Variants in MAPDA observed in about 807,000 individuals in gnomAD.
MAPDA encodes the protein N6,N6-dimethyl-AMP deaminase.
At chr15:43,337,062 T>G in the MAPDA span, among the ~76,000 whole-genome samples, 1 of 150,238 alleles carries the variant, frequency 6.7e-6, no homozygotes, top group East Asian at 2.0e-4. Flanking sequence ...AGGTCAGGAG[T>G]TGGAGACCAT....
chr15:43,333,117 TC>T, the MAPDA span, among the ~76,000 whole-genome samples: 1 of 152,266 alleles, frequency 6.6e-6, no homozygotes, highest in East Asian at 1.9e-4. Context: ...AAGGTCAGGA[TC>T]CTGGAGTAAA....
chr15:43,346,722 A>G, the MAPDA span, among the ~76,000 whole-genome samples: 3 of 152,212 alleles, frequency 2.0e-5, no homozygotes, highest in African/African-American at 7.2e-5. Flanking sequence ...TTAGCTCTGG[A>G]TATCTAGGTG....
At chr15:43,332,881 C>T in the MAPDA span, among the ~76,000 whole-genome samples, 5 of 152,092 alleles carry the variant, frequency 3.3e-5, no homozygotes, top group Non-Finnish European at 5.9e-5. Context: ...TGTTGCCTTC[C>T]GTCCCAGAGC....
the MAPDA span, chr15:43,335,696 G>T: frequency 6.2e-7 from 1 of 1,604,742 alleles, no homozygotes; most frequent in African/African-American, 1.3e-5. Flanking sequence ...TATCTCTTAG[G>T]AACTTCATGC....
the MAPDA span, among the ~76,000 whole-genome samples, chr15:43,338,181 A>G: frequency 2.6e-5 from 4 of 152,244 alleles, no homozygotes; most frequent in African/African-American, 9.6e-5. Context: ...TGAAGTGAGA[A>G]GATTCTGTGC....
At chr15:43,351,759 T>A in the MAPDA span, 2 of 1,547,452 alleles carry the variant, frequency 1.3e-6, no homozygotes, top group South Asian at 2.4e-5. Context: ...AGACTGATGA[T>A]AAGGGTGTTT....
chr15:43,343,108 A>T, the MAPDA span: 2 of 1,427,118 alleles, frequency 1.4e-6, no homozygotes, highest in Non-Finnish European at 1.9e-6. Context: ...GTTAACATTT[A>T]CAAAACCAGA....
the MAPDA span, among the ~76,000 whole-genome samples, chr15:43,336,841 C>G: frequency 6.6e-6 from 1 of 151,964 alleles, no homozygotes; most frequent in Non-Finnish European, 1.5e-5. Context: ...AGTCATTTGC[C>G]TAAGAGCTAG....
chr15:43,352,046 C>T, the MAPDA span: 1 of 1,249,196 alleles, frequency 8.0e-7, no homozygotes, highest in Non-Finnish European at 1.1e-6. Flanking sequence ...GCATAGCAAC[C>T]AAGTTCCTTG....
chr15:43,349,034 G>A, the MAPDA span: 3,206 of 1,614,112 alleles, frequency 2.0e-3, 7 homozygotes, highest in Non-Finnish European at 2.4e-3. Flanking sequence ...AGGCAACATC[G>A]GATACCACTG....
chr15:43,336,656 G>A, the MAPDA span: 3 of 1,567,674 alleles, frequency 1.9e-6, no homozygotes, highest in Non-Finnish European at 2.6e-6. Context: ...CTATTCATCA[G>A]CTTACTAGTA....
At chr15:43,351,828 G>T in the MAPDA span, 5 of 1,551,672 alleles carry the variant, frequency 3.2e-6, no homozygotes, top group South Asian at 5.9e-5. Context: ...ATTTGACCCA[G>T]TCTCAGGTGT....
At chr15:43,351,492 A>G in the MAPDA span, 1 of 454,270 alleles carries the variant, frequency 2.2e-6, no homozygotes, top group South Asian at 3.9e-5. Context: ...ATCTGGGGTG[A>G]GTCCTGGGCA....
the MAPDA span, chr15:43,347,243 A>G: frequency 1.5e-6 from 1 of 657,938 alleles, no homozygotes. Flanking sequence ...ATTTAAAAAT[A>G]CATGACTTGC....
the MAPDA span, among the ~76,000 whole-genome samples, chr15:43,347,448 A>G: frequency 1.3e-5 from 2 of 152,190 alleles, no homozygotes; most frequent in African/African-American, 4.8e-5. Context: ...TCCTCATAGT[A>G]GAAGGGACCT....
the MAPDA span, chr15:43,354,360 C>G: frequency 6.6e-6 from 1 of 152,102 alleles, no homozygotes; most frequent in African/African-American, 2.4e-5. Context: ...CTACCCTTAT[C>G]TACTCATACA....
At chr15:43,348,230 T>A in the MAPDA span, among the ~76,000 whole-genome samples, 1 of 152,340 alleles carries the variant, frequency 6.6e-6, no homozygotes, top group Admixed American at 6.5e-5. Flanking sequence ...CTTGTCAGAA[T>A]CAAACATGAT....
At chr15:43,333,294 T>C in the MAPDA span, 7 of 152,226 alleles carry the variant, frequency 4.6e-5, no homozygotes, top group African/African-American at 1.7e-4. Context: ...TGCATGCCTG[T>C]GATCTCTGCT....
At chr15:43,345,225 G>A in the MAPDA span, among the ~76,000 whole-genome samples, 6 of 152,076 alleles carry the variant, frequency 3.9e-5, no homozygotes, top group South Asian at 2.1e-4. Context: ...GTGGTGGCAC[G>A]TGCCTATAAC....
Sources: gnomAD v4.1 joint callset for allele counts (sites outside exome capture counted in the v4.1 genomes callset) on GRCh38, gnomAD v4.1.1 for gene constraint, MANE v1.5 for transcripts, NCBI Gene and HGNC (gene_info 2026-07-23, HGNC 2026-07-21) for gene names.